The following TPRG1 variants were observed in gnomAD, a reference collection of about 807,000 sequenced individuals.
TPRG1 encodes the protein tumor protein p63-regulated gene 1 protein.
TPRG1 carries 29 observed loss-of-function variants against 29.3 expected under a neutral mutation model. That is an observed-to-expected ratio of 0.99 (90% CI 0.74 to 1.35). TPRG1 has a LOEUF of 1.35. Among genes scored for constraint, TPRG1 ranks in the 40% most tolerant of loss-of-function variants. The probability of loss-of-function intolerance (pLI) is 0.00; values close to 1 mark genes in which losing one functional copy is unlikely to be tolerated. For missense variants in TPRG1, 327 were observed against 335.0 expected (o/e 0.98, Z 0.19); for synonymous variants, 130 against 116.8 (o/e 1.11, Z -0.73).
intron 5 of TPRG1, among the ~76,000 whole-genome samples, chr3:189,312,346 C>A (rs1000760007): frequency 6.6e-6 from 1 of 151,706 alleles, no homozygotes; most frequent in Non-Finnish European, 1.5e-5. Context: ...GGACTACAGG[C>A]GCCCGAAAAC....
intron 3 of TPRG1, among the ~76,000 whole-genome samples, chr3:189,023,012 T>G (rs1713443180): frequency 6.6e-6 from 1 of 152,166 alleles, no homozygotes. Flanking sequence ...CGTCACCCCT[T>G]TCTTTGACTC....
chr3:189,261,309 G>A (rs1374960999), intron 4 of TPRG1, among the ~76,000 whole-genome samples: 1 of 151,906 alleles, frequency 6.6e-6, no homozygotes, highest in Non-Finnish European at 1.5e-5. Flanking sequence ...GTGGAAGCTG[G>A]CATTTTGTTG....
At position 189,173,342 on chromosome 3, in the gene TPRG1, C is replaced by CTT. The variant is rs5855241; in HGVS notation, c.-10+1225_-10+1226dup. 3.7e-4 allele frequency among the ~76,000 whole-genome samples: 42 copies of CTT among 113,634 alleles called. 1 individual carries two copies. The highest frequency in any genetic ancestry group is 1.4e-3 in the African/African-American group (33 of 24,418). The allele number at this position is 113,634 out of a possible 152,430, so 74.5% of individuals were successfully genotyped here. A position where few individuals can be genotyped will look rare whatever the true frequency, so the allele number is the denominator to read the frequency against. ...TATTCTTTTTCTTTCTTTTCTTCTT[C>CTT]TTTTTTTTTTTTTTTGAGACAGAGC... On this transcript the variant is annotated intron_variant, in intron 1 of 5. Coordinates refer to ENST00000345063, the MANE Select transcript of TPRG1 (RefSeq NM_198485.4).
At chr3:189,113,930 A>G (rs1224737841) in intron 1 of TPRG1, among the ~76,000 whole-genome samples, 2 of 151,322 alleles carry the variant, frequency 1.3e-5, no homozygotes, top group African/African-American at 4.8e-5. Context: ...ATAATAAAAT[A>G]AAATAAAATA....
intron 4 of TPRG1, among the ~76,000 whole-genome samples, chr3:189,267,119 A>T (rs1714240564): frequency 6.6e-6 from 1 of 152,196 alleles, no homozygotes; most frequent in South Asian, 2.1e-4. Flanking sequence ...CTATGTTTAG[A>T]TGTATTTAGA....
chr3:189,280,116 T>C (rs1021286710), intron 4 of TPRG1, among the ~76,000 whole-genome samples: 2 of 152,158 alleles, frequency 1.3e-5, no homozygotes, highest in African/African-American at 4.8e-5. Flanking sequence ...ACTTATCTGT[T>C]AACATATATC....
At chr3:189,313,730 C>T (rs970929014) in intron 5 of TPRG1, among the ~76,000 whole-genome samples, 2 of 152,074 alleles carry the variant, frequency 1.3e-5, no homozygotes, top group Non-Finnish European at 2.9e-5. Flanking sequence ...AGGATACCAA[C>T]AGAAATGAGA....
intron 1 of TPRG1, among the ~76,000 whole-genome samples, chr3:189,174,971 A>G (rs1729286164): frequency 6.6e-6 from 1 of 152,206 alleles, no homozygotes; most frequent in South Asian, 2.1e-4. Context: ...GACTAGCTTA[A>G]TGATATGTTT....
At chr3:189,131,079 C>T (rs1159656217) in intron 2 of TPRG1, among the ~76,000 whole-genome samples, 1 of 152,182 alleles carries the variant, frequency 6.6e-6, no homozygotes, top group African/African-American at 2.4e-5. Context: ...CAGAACAGTT[C>T]AGATTTATCC....
At chr3:189,118,634 T>C (rs1373802285) in intron 1 of TPRG1, among the ~76,000 whole-genome samples, 1 of 152,206 alleles carries the variant, frequency 6.6e-6, no homozygotes, top group Admixed American at 6.5e-5. Flanking sequence ...CCCAGCTGCT[T>C]CAGCTCCAGC....
intron 3 of TPRG1, among the ~76,000 whole-genome samples, chr3:189,010,427 CACA>C (rs1299627461): frequency 6.6e-6 from 1 of 152,152 alleles, no homozygotes; most frequent in African/African-American, 2.4e-5. Flanking sequence ...ACTTTTTCTC[CACA>C]ACCTCACCAG....
chr3:189,315,278 TTGTGTGTGTGTGTGTG>T (rs34255648), intron 5 of TPRG1, among the ~76,000 whole-genome samples: 1 of 143,410 alleles, frequency 7.0e-6, no homozygotes, highest in Non-Finnish European at 1.5e-5. Context: ...CCTGAAAGAA[TTGTGTGTGTGTGTGTG>T]TGTGTGTGTG....
chr3:189,115,748 A>G (rs1721089729), intron 1 of TPRG1, among the ~76,000 whole-genome samples: 1 of 152,182 alleles, frequency 6.6e-6, no homozygotes, highest in Non-Finnish European at 1.5e-5. Flanking sequence ...GTTACTCTTT[A>G]TCTTGTTTGG....
intron 1 of TPRG1, among the ~76,000 whole-genome samples, chr3:188,998,125 G>A (rs1374318781): frequency 1.3e-5 from 2 of 148,164 alleles, no homozygotes; most frequent in East Asian, 4.0e-4. Context: ...TTGCTGCCAT[G>A]AAACTTATGT....
chr3:189,307,513 C>A (rs1302926215), intron 4 of TPRG1, among the ~76,000 whole-genome samples: 1 of 152,190 alleles, frequency 6.6e-6, no homozygotes, highest in Non-Finnish European at 1.5e-5. Context: ...TTTTTTCACC[C>A]ATGAATGATG....
At chr3:189,213,547 C>T (rs1430455904) in intron 2 of TPRG1, among the ~76,000 whole-genome samples, 1 of 152,178 alleles carries the variant, frequency 6.6e-6, no homozygotes, top group Non-Finnish European at 1.5e-5. Context: ...ACTCCAGAGG[C>T]TACCAATTCA....
Position 189,218,099 on chromosome 3 carries a change from A to T in TPRG1, c.302+2716A>T, listed in dbSNP as rs1016044472. On this transcript the variant is annotated intron_variant, in intron 3 of 5. Coordinates refer to ENST00000345063, the MANE Select transcript of TPRG1 (RefSeq NM_198485.4). The stretch of plus-strand genomic sequence containing the variant: ...AATATGGACCAACTACCCTAGCCTC[A>T]CCAACCACACAAGATTCTCTCTTTT... 4.4e-6 allele frequency: 4 copies of T among 905,604 alleles called. No homozygotes were observed. The Admixed American group carries it at 2.5e-4, about 56-fold the overall frequency. The allele number at this position is 905,604 out of a possible 1,614,324, so 56.1% of individuals were successfully genotyped here. A position where few individuals can be genotyped will look rare whatever the true frequency, so the allele number is the denominator to read the frequency against.
At chr3:189,097,495 T>C (rs1427190307), upstream of TPRG1, among the ~76,000 whole-genome samples, 1 of 152,262 alleles carries the variant, frequency 6.6e-6, no homozygotes, top group Non-Finnish European at 1.5e-5. Context: ...GAGACAACTA[T>C]TATACTTCAG....
chr3:189,246,110 A>G (rs1337115380), intron 4 of TPRG1, among the ~76,000 whole-genome samples: 1 of 152,140 alleles, frequency 6.6e-6, no homozygotes. Flanking sequence ...TAATAGAATC[A>G]TGGGGGTAGA....
Sources: allele counts gnomAD v4.1 joint callset (sites outside exome capture counted in the v4.1 genomes callset), GRCh38; gene constraint gnomAD v4.1.1; transcripts MANE v1.5; gene names NCBI Gene and HGNC (gene_info 2026-07-23, HGNC 2026-07-21).